Variants in CCDC68 observed in about 807,000 individuals in gnomAD.
CCDC68 encodes the protein coiled-coil domain-containing protein 68.
In CCDC68, 45 loss-of-function variants were observed where a neutral mutation model predicts 47.1. The ratio of observed to expected loss-of-function variants is 0.96; its 90% CI spans 0.75 to 1.23. CCDC68 has a LOEUF of 1.23. CCDC68 is among the 50% of genes most tolerant of loss of function. The probability of loss-of-function intolerance (pLI) is 0.00; values close to 1 mark genes in which losing one functional copy is unlikely to be tolerated. For missense variants in CCDC68, 353 were observed against 373.6 expected (o/e 0.94, Z 0.45); for synonymous variants, 131 against 129.5 (o/e 1.01, Z -0.08).
chr18:54,939,247 A>G (rs1428590835), intron 4 of CCDC68, among the ~76,000 whole-genome samples: 2 of 152,172 alleles, frequency 1.3e-5, no homozygotes, highest in Admixed American at 6.6e-5. Context: ...ACAGAGTAGG[A>G]ATTATTTTCT....
rs1913798766 is a variant in CCDC68, at chr18:54,903,487, CATT to C, written c.*868_*870del. The C allele has an allele frequency of 6.6e-6, 1 of 152,180 alleles. No individual in the cohort carries two copies. Among genetic ancestry groups the C allele is most frequent in the South Asian group, 2.1e-4 (1 of 4,830 alleles). The allele number at this position is 152,180 out of a possible 1,614,324, so 9.4% of individuals were successfully genotyped here. A position where few individuals can be genotyped will look rare whatever the true frequency, so the allele number is the denominator to read the frequency against. On this transcript the variant is annotated 3_prime_UTR_variant, in exon 12 of 12. Transcript: ENST00000591504. ...ATTCTTTCTGGCTGCAGACAGCAGT[CATT>C]ATTCCTTTGAGCCTATAATATATAC...
At chr18:54,957,633 T>TCA (rs1181088906) in intron 1 of CCDC68, among the ~76,000 whole-genome samples, 1 of 149,782 alleles carries the variant, frequency 6.7e-6, no homozygotes, top group Non-Finnish European at 1.5e-5. Context: ...ACACACTCTC[T>TCA]CTCTCTCTCT....
At chr18:54,937,237 C>A in intron 5 of CCDC68, 2 of 332,038 alleles carry the variant, frequency 6.0e-6, no homozygotes, top group South Asian at 4.6e-5. Context: ...CCTCACTGTT[C>A]ACATAACTCC....
At chr18:54,946,321 C>CT (rs2044525969) in intron 1 of CCDC68, among the ~76,000 whole-genome samples, 1 of 152,136 alleles carries the variant, frequency 6.6e-6, no homozygotes, top group African/African-American at 2.4e-5. Context: ...TTATCTAGCC[C>CT]TTTACAGGAA....
intron 1 of CCDC68, among the ~76,000 whole-genome samples, chr18:54,958,244 C>T (rs930465124): frequency 2.6e-5 from 4 of 152,170 alleles, no homozygotes; most frequent in Admixed American, 2.0e-4. Context: ...GCAGAAATTC[C>T]TCTGTGTCAG....
chr18:54,912,530 T>C (rs1032554094), intron 10 of CCDC68, among the ~76,000 whole-genome samples: 2 of 152,166 alleles, frequency 1.3e-5, no homozygotes, highest in Non-Finnish European at 2.9e-5. Flanking sequence ...ATACAGTAAC[T>C]GTGACAATGA....
Position 54,937,958 on chromosome 18 carries a change from T to G in CCDC68, c.344A>C (p.Lys115Thr). The G allele has an allele frequency of 6.2e-7, 1 of 1,609,214 alleles. No homozygotes were observed. The highest frequency in any genetic ancestry group is 8.5e-7 in the Non-Finnish European group (1 of 1,178,400). Residue 115 changes from lysine to threonine, a missense_variant and splice_region_variant, in exon 5 of 12, where the codon AAG (lysine) becomes ACG (threonine). Lys to Thr is a moderately conservative substitution (Grantham distance 78). Coordinates refer to ENST00000591504, the MANE Select transcript of CCDC68 (RefSeq NM_025214.3). Reference sequence around the variant, plus strand: ...ATTTGAAACTTCTAAAAGTCATACCTTGATTTTCAATACTTCATTCTCTTT... The same window carrying G: ...ATTTGAAACTTCTAAAAGTCATACCGTGATTTTCAATACTTCATTCTCTTT... Reference protein sequence around the residue: ...MNKENEVLKIKLQASREAGAA... With the variant: ...MNKENEVLKITLQASREAGAA...
At chr18:54,908,574 C>G (rs1914148805) in intron 10 of CCDC68, among the ~76,000 whole-genome samples, 1 of 152,202 alleles carries the variant, frequency 6.6e-6, no homozygotes, top group Non-Finnish European at 1.5e-5. Context: ...CTTAACCTCT[C>G]TGTGCCTAAT....
intron 8 of CCDC68, among the ~76,000 whole-genome samples, chr18:54,926,436 T>G (rs2044146457): frequency 6.6e-6 from 1 of 152,200 alleles, no homozygotes; most frequent in African/African-American, 2.4e-5. Context: ...ACAGCAGCAT[T>G]GGGCTAACCG....
At chr18:54,916,780 C>T (rs141181953) in intron 10 of CCDC68, among the ~76,000 whole-genome samples, 3,937 of 152,256 alleles carry the variant, frequency 0.026, 160 homozygotes, top group African/African-American at 0.087. Context: ...TGTCCTCACC[C>T]AAATCTCACC....
chr18:54,920,607 A>G (rs1015020965), intron 8 of CCDC68, among the ~76,000 whole-genome samples: 1 of 152,212 alleles, frequency 6.6e-6, no homozygotes, highest in Non-Finnish European at 1.5e-5. Context: ...GGACTAAAAC[A>G]TTGTTTCAGA....
intron 1 of CCDC68, among the ~76,000 whole-genome samples, chr18:54,946,713 A>G (rs1161903506): frequency 2.0e-5 from 3 of 152,130 alleles, no homozygotes; most frequent in Admixed American, 2.0e-4. Context: ...GATATTTCTG[A>G]AAACTTCCCA....
intron 10 of CCDC68, among the ~76,000 whole-genome samples, chr18:54,913,384 A>G (rs1914477945): frequency 6.6e-6 from 1 of 152,186 alleles, no homozygotes; most frequent in African/African-American, 2.4e-5. Context: ...TCCTCCTGTT[A>G]TTTTAGGAAT....
intron 2 of CCDC68, among the ~76,000 whole-genome samples, chr18:54,944,106 C>T (rs1422916952): frequency 6.6e-6 from 1 of 151,958 alleles, no homozygotes; most frequent in Non-Finnish European, 1.5e-5. Context: ...ATTTATTTTC[C>T]TTTAAATAAT....
intron 11 of CCDC68, among the ~76,000 whole-genome samples, chr18:54,905,928 A>G (rs1913979332): frequency 6.6e-6 from 1 of 152,200 alleles, no homozygotes; most frequent in Non-Finnish European, 1.5e-5. Context: ...TGAACTGTGC[A>G]TGCGATGGAT....
intron 5 of CCDC68, 165 bp downstream of exon 5, chr18:54,937,792 T>A: frequency 6.4e-6 from 3 of 467,244 alleles, no homozygotes; most frequent in Non-Finnish European, 1.1e-5. Flanking sequence ...CAGTGAGATA[T>A]GATTTGTGAA....
At chr18:54,941,226 C>A in intron 3 of CCDC68, 143 bp from the exon 4 acceptor site, 1 of 592,900 alleles carries the variant, frequency 1.7e-6, no homozygotes, top group East Asian at 2.9e-5. Flanking sequence ...ATAACTGCCA[C>A]CATCAACCTA....
At chr18:54,958,139 G>A (rs1353630649) in intron 1 of CCDC68, 1 of 152,208 alleles carries the variant, frequency 6.6e-6, no homozygotes, top group African/African-American at 2.4e-5. Flanking sequence ...TATGACGTCG[G>A]CCTTATGACG....
At chr18:54,948,208 G>T (rs948229559) in intron 1 of CCDC68, among the ~76,000 whole-genome samples, 4 of 152,070 alleles carry the variant, frequency 2.6e-5, no homozygotes, top group African/African-American at 9.7e-5. Flanking sequence ...TAAACATGAG[G>T]TCACACTGGA....
Sources: gnomAD v4.1 joint callset for allele counts (sites outside exome capture counted in the v4.1 genomes callset) on GRCh38, gnomAD v4.1.1 for gene constraint, MANE v1.5 for transcripts, NCBI Gene and HGNC (gene_info 2026-07-23, HGNC 2026-07-21) for gene names.